SEC11C: variants seen among roughly 807,000 people sequenced by gnomAD.
The protein encoded by SEC11C is signal peptidase complex catalytic subunit SEC11C.
A neutral mutation model predicts 21.9 loss-of-function variants in SEC11C; 10 were observed. The ratio of observed to expected loss-of-function variants is 0.46; its 90% CI spans 0.28 to 0.77. The LOEUF (loss-of-function observed/expected upper bound fraction) is 0.77. SEC11C is among the 30% of genes least tolerant of loss of function. The probability of loss-of-function intolerance (pLI) is 0.12; values close to 1 mark genes in which losing one functional copy is unlikely to be tolerated. For missense variants in SEC11C, 145 were observed against 244.5 expected (o/e 0.59, Z 2.71); for synonymous variants, 83 against 85.6 (o/e 0.97, Z 0.17).
At chr18:59,150,053 T>C (rs566855342) in intron 2 of SEC11C, among the ~76,000 whole-genome samples, 9 of 152,250 alleles carry the variant, frequency 5.9e-5, no homozygotes, top group Non-Finnish European at 1.3e-4. Context: ...GTAATACTCG[T>C]GTATTGATGG....
At position 59,139,934 on chromosome 18, in the gene SEC11C, C is replaced by T. The variant is rs755573093; in HGVS notation, c.-15C>T. 1.3e-6 allele frequency: 2 copies of T among 1,524,730 alleles called. No homozygotes were observed. The highest frequency in any genetic ancestry group is 1.8e-6 in the Non-Finnish European group (2 of 1,132,864). 94.5% of individuals were successfully genotyped at this position (1,524,730 alleles called of 1,614,324 possible). The stretch of plus-strand genomic sequence containing the variant: ...CCCAGAGCCGGCGGGCCGCTAGGTC[C>T]CCGGAGACCCTGCTATGGTGCGTGC... On this transcript the variant is annotated 5_prime_UTR_variant, in exon 1 of 6. Coordinates refer to ENST00000587834, the MANE Select transcript of SEC11C (RefSeq NM_033280.4).
intron 2 of SEC11C, 37 bp downstream of exon 2, chr18:59,149,659 C>T: frequency 7.4e-7 from 1 of 1,360,222 alleles, no homozygotes; most frequent in Non-Finnish European, 1.0e-6. Context: ...CTCCAACCTC[C>T]ATCACAAGGC....
chr18:59,158,658 A>T lies in SEC11C; in HGVS notation c.552A>T (p.Ala184=). The change falls in exon 6 of 6, where the codon GCA becomes GCT. Residue 184 remains alanine, a synonymous_variant. Coordinates refer to ENST00000587834, the MANE Select transcript of SEC11C (RefSeq NM_033280.4). ...ATGCTCTTTTGGCTGTAATGGGTGC[A>T]TATGTGTTACTAAAACGTGAATCCT... The part of the protein sequence containing the change: ...FKYALLAVMG[A]YVLLKRES 7 of 1,613,974 alleles carry T rather than the reference A, an allele frequency of 4.3e-6. No individual in the cohort carries two copies.
In SEC11C at chr18:59,140,004, T is replaced by A. The variant is rs1442402203; in HGVS notation, c.56T>A (p.Phe19Tyr). The A allele has an allele frequency of 1.3e-6, 2 of 1,593,062 alleles. No individual in the cohort carries two copies. Among genetic ancestry groups the A allele is most frequent in the African/African-American group, 2.7e-5 (2 of 73,856 alleles). Reference protein sequence around the residue: ...AHLPASGLDIFGDLKKMNKRQ... With the variant: ...AHLPASGLDIYGDLKKMNKRQ... ...CTCCCCGCGTCCGGCTTGGATATCTTCGGGGACCTGAAGAAGATGAACAAG... is the reference window on the plus strand; with the variant it reads ...CTCCCCGCGTCCGGCTTGGATATCTACGGGGACCTGAAGAAGATGAACAAG... The change falls in exon 1 of 6, where the codon TTC becomes TAC. Residue 19 changes from phenylalanine (F) to tyrosine (Y), a missense_variant. Physicochemically the swap from Phe to Tyr is conservative, Grantham distance 22 (BLOSUM62 3). Transcript: ENST00000587834.
chr18:59,156,342 T>C (rs2069417853), intron 4 of SEC11C: 1 of 152,256 alleles, frequency 6.6e-6, no homozygotes, highest in African/African-American at 2.4e-5. Context: ...CAGATGTGTG[T>C]TATGCATATA....
At position 59,158,719 on chromosome 18, in the gene SEC11C, G is replaced by A. The variant is rs749712677; in HGVS notation, c.*34G>A. The A allele has an allele frequency of 2.6e-6, 4 of 1,552,494 alleles. No individual in the cohort carries two copies. The highest frequency in any genetic ancestry group is 2.7e-6 in the Non-Finnish European group (3 of 1,124,376). On this transcript the variant is annotated 3_prime_UTR_variant, in exon 6 of 6. Transcript: ENST00000587834. Reference sequence around the variant, plus strand: ...GCAGTTCCTGGGACCAGATTGAAATGAATTCTGTTGAAAAAGAGAAAAACT... The same window carrying A: ...GCAGTTCCTGGGACCAGATTGAAATAAATTCTGTTGAAAAAGAGAAAAACT...
chr18:59,154,053 T>C (rs764891354), intron 3 of SEC11C, among the ~76,000 whole-genome samples: 1 of 152,162 alleles, frequency 6.6e-6, no homozygotes, highest in Non-Finnish European at 1.5e-5. Context: ...TTGATACTTA[T>C]TCACTTCACA....
At chr18:59,141,364 A>T (rs894013948) in intron 1 of SEC11C, among the ~76,000 whole-genome samples, 1 of 152,258 alleles carries the variant, frequency 6.6e-6, no homozygotes, top group African/African-American at 2.4e-5. Context: ...TGCTGTTCAC[A>T]AGAATATCCT....
Position 59,158,779 on chromosome 18 carries a change from G to T in SEC11C, c.*94G>T. On this transcript the variant is annotated 3_prime_UTR_variant, in exon 6 of 6. Transcript: ENST00000587834. ...GAGATGTTCCATTTTCTGTATAAAA[G>T]GGAACAGTGTGGAGATGTTTTTGTC... The T allele has an allele frequency of 5.5e-6, 6 of 1,082,214 alleles. No homozygotes were observed. The highest frequency in any genetic ancestry group is 8.5e-6 in the Non-Finnish European group (6 of 709,742). 67.0% of individuals were successfully genotyped at this position (1,082,214 alleles called of 1,614,324 possible). A position where few individuals can be genotyped will look rare whatever the true frequency, so the allele number is the denominator to read the frequency against.
At chr18:59,156,228 G>A (rs1380269046) in intron 4 of SEC11C, 2 of 158,104 alleles carry the variant, frequency 1.3e-5, no homozygotes, top group Admixed American at 1.3e-4. Context: ...CTCACTGAGA[G>A]ATTAGTTATT....
At chr18:59,149,245 G>C (rs954036864) in intron 1 of SEC11C, among the ~76,000 whole-genome samples, 21 of 152,300 alleles carry the variant, frequency 1.4e-4, no homozygotes, top group African/African-American at 4.8e-4. Flanking sequence ...TCCCAAAGAG[G>C]TGATTAGGGC....
chr18:59,144,058 T>C (rs1476897025), intron 1 of SEC11C, among the ~76,000 whole-genome samples: 2 of 152,140 alleles, frequency 1.3e-5, no homozygotes, highest in African/African-American at 4.8e-5. Context: ...TTCACCATGT[T>C]GGCCAGGCTG....
At chr18:59,147,323 C>T (rs1454302617) in intron 1 of SEC11C, 5 of 152,218 alleles carry the variant, frequency 3.3e-5, no homozygotes, top group African/African-American at 7.2e-5. Flanking sequence ...CCCAGAGCCA[C>T]GTGATCCAGG....
At chr18:59,146,647 T>C (rs936805286) in intron 1 of SEC11C, among the ~76,000 whole-genome samples, 3 of 152,142 alleles carry the variant, frequency 2.0e-5, no homozygotes, top group Non-Finnish European at 4.4e-5. Context: ...TGACTGACTA[T>C]GTAGGTTGAG....
chr18:59,155,614 T>G, intron 3 of SEC11C, 74 bp from the exon 4 acceptor site: 5 of 1,510,716 alleles, frequency 3.3e-6, no homozygotes, highest in Non-Finnish European at 4.5e-6. Flanking sequence ...AGTAAAGTCT[T>G]GAGTAAACTA....
intron 2 of SEC11C, 80 bp from the exon 3 acceptor site, chr18:59,152,456 A>G (rs1296148891): frequency 3.5e-6 from 5 of 1,431,882 alleles, no homozygotes; most frequent in Admixed American, 2.6e-5. Flanking sequence ...TTGACTATTG[A>G]GTTTCACCTC....
chr18:59,158,647 G>A lies in SEC11C; in HGVS notation c.541G>A (p.Val181Ile), dbSNP rs766921729. 3.9e-5 allele frequency: 63 copies of A among 1,613,742 alleles called. No homozygotes were observed. Among genetic ancestry groups the A allele is most frequent in the Non-Finnish European group, 4.6e-5 (54 of 1,179,786 alleles). The change falls in exon 6 of 6, where the codon GTA (valine) becomes ATA (isoleucine). Residue 181 changes from valine to isoleucine, a missense_variant. Val to Ile is a conservative substitution (Grantham distance 29). Transcript: ENST00000587834. Reference sequence around the variant, plus strand: ...TTCTTTCCAGTATGCTCTTTTGGCTGTAATGGGTGCATATGTGTTACTAAA... The same window carrying A: ...TTCTTTCCAGTATGCTCTTTTGGCTATAATGGGTGCATATGTGTTACTAAA... ...YPKFKYALLA[V>I]MGAYVLLKRE...
chr18:59,140,119 C>A, intron 1 of SEC11C, 84 bp downstream of exon 1: 1 of 1,269,588 alleles, frequency 7.9e-7, no homozygotes, highest in Non-Finnish European at 1.1e-6. Flanking sequence ...AGGGCTCCGG[C>A]TCCCAGTGAA....
At chr18:59,155,606 T>C (rs560398143) in intron 3 of SEC11C, 82 bp from the exon 4 acceptor site, 1 of 1,453,332 alleles carries the variant, frequency 6.9e-7, no homozygotes, top group African/African-American at 1.4e-5. Context: ...TGTCTGACAG[T>C]AAAGTCTTGA....
Sources: allele counts gnomAD v4.1 joint callset (sites outside exome capture counted in the v4.1 genomes callset), GRCh38; gene constraint gnomAD v4.1.1; transcripts MANE v1.5; gene names NCBI Gene and HGNC (gene_info 2026-07-23, HGNC 2026-07-21).